AP3D1: variants seen among roughly 807,000 people sequenced by gnomAD.
The protein encoded by AP3D1 is adaptor related protein complex 3 subunit delta 1, also known as AP-3 complex subunit delta-1.
A neutral mutation model predicts 147.6 loss-of-function variants in AP3D1; 51 were observed. The observed-to-expected ratio is 0.35, with a 90% CI of 0.28 to 0.44. The LOEUF is 0.44. Among genes scored for constraint, AP3D1 ranks in the 20% least tolerant of loss-of-function variants. The probability of loss-of-function intolerance (pLI) is 1.00; values close to 1 mark genes in which losing one functional copy is unlikely to be tolerated. For synonymous variants in AP3D1, 760 were observed against 663.0 expected, an observed-to-expected ratio of 1.15 and a Z score of -2.25; for missense variants, 1,421 against 1,624.2, an observed-to-expected ratio of 0.87 and a Z score of 2.15.
chr19:2,150,120 A>G (rs1272811662), intron 1 of AP3D1, among the ~76,000 whole-genome samples: 1 of 152,216 alleles, frequency 6.6e-6, no homozygotes, highest in Non-Finnish European at 1.5e-5. Flanking sequence ...GGGTTCCCAG[A>G]GAGAGGGACA....
At chr19:2,110,283 G>T (rs1049000124) in intron 27 of AP3D1, 59 bp from the exon 28 acceptor site, 4 of 1,456,448 alleles carry the variant, frequency 2.7e-6, no homozygotes, top group Non-Finnish European at 3.8e-6. Context: ...CATGGGTGGG[G>T]CCTCCAGGTC....
rs1001108945 is a variant in AP3D1, at chr19:2,135,410, C to T, written c.354+1601G>A. Among the ~76,000 whole-genome samples, 6 of 151,866 alleles carry T rather than the reference C, an allele frequency of 4.0e-5. 1 individual carries two copies. Among genetic ancestry groups the T allele is most frequent in the Admixed American group, 6.6e-5 (1 of 15,232 alleles). ...AATTAGCCAGGCATGGTGGCGGGCACCTGTAATTCCAGCTACTCGGGAGGC... is the reference window on the plus strand; with the variant it reads ...AATTAGCCAGGCATGGTGGCGGGCATCTGTAATTCCAGCTACTCGGGAGGC... On this transcript the variant is annotated intron_variant, in intron 4 of 31. Coordinates refer to ENST00000643116, the MANE Select transcript of AP3D1 (RefSeq NM_001261826.3).
Position 2,109,179 on chromosome 19 carries a change from C to G in AP3D1, c.3379G>C (p.Gly1127Arg). ...TTGATTGAGCTCATGCTCAAGTCCC[C>G]AGACTCCAGCAACTTAGCAAAGGCG... Reference protein sequence around the residue: ...SDAFAKLLESGDLSMSSIKVD... With the variant: ...SDAFAKLLESRDLSMSSIKVD... Residue 1127 changes from glycine to arginine, a missense_variant, in exon 30 of 32, where the codon GGG (glycine) becomes CGG (arginine). By Grantham distance (125) the Gly-to-Arg change is moderately radical. Coordinates refer to ENST00000643116, the MANE Select transcript of AP3D1 (RefSeq NM_001261826.3). The G allele has an allele frequency of 6.2e-7, 1 of 1,606,472 alleles. No homozygotes were observed. Among genetic ancestry groups the G allele is most frequent in the Non-Finnish European group, 8.5e-7 (1 of 1,177,186 alleles).
intron 26 of AP3D1, 149 bp from the exon 27 acceptor site, chr19:2,111,045 C>G: frequency 1.0e-6 from 1 of 967,724 alleles, no homozygotes; most frequent in Non-Finnish European, 1.5e-6. Flanking sequence ...GCAGGCCAAG[C>G]GCCTCCTATG....
At chr19:2,143,491 T>C (rs1476370076) in intron 1 of AP3D1, among the ~76,000 whole-genome samples, 1 of 151,470 alleles carries the variant, frequency 6.6e-6, no homozygotes, top group South Asian at 2.1e-4. Context: ...CCGCCCACCT[T>C]GGCCTCTCAA....
intron 1 of AP3D1, among the ~76,000 whole-genome samples, chr19:2,150,630 G>GC (rs1443801859): frequency 6.6e-6 from 1 of 152,110 alleles, no homozygotes; most frequent in Non-Finnish European, 1.5e-5. Context: ...TGGAGGCAAC[G>GC]CCCCAAGACC....
At chr19:2,142,818 A>C (rs1382268045) in intron 1 of AP3D1, among the ~76,000 whole-genome samples, 2 of 151,428 alleles carry the variant, frequency 1.3e-5, no homozygotes, top group African/African-American at 4.9e-5. Flanking sequence ...GCTGGAGTAC[A>C]ATGGTGTGAT....
Position 2,117,516 on chromosome 19 carries a change from G to A in AP3D1, c.1714-149C>T, listed in dbSNP as rs74875061. ...CCACAGAGAGCCCAGCCTTCATGCC[G>A]TCTCTGTCGTCATCATCCTCGCCAG... is the stretch of plus-strand genomic sequence containing the variant. On this transcript the variant is annotated intron_variant, in intron 15 of 31. Coordinates refer to ENST00000643116, the MANE Select transcript of AP3D1 (RefSeq NM_001261826.3). 2,253 of 846,260 alleles carry A rather than the reference G, an allele frequency of 2.7e-3. 5 individuals are homozygous for A. The highest frequency in any genetic ancestry group is 3.3e-3 in the Admixed American group (98 of 29,694). The allele number at this position is 846,260 out of a possible 1,614,324, so 52.4% of individuals were successfully genotyped here.
chr19:2,117,644 C>A (rs914910431), intron 15 of AP3D1, among the ~76,000 whole-genome samples: 1 of 152,272 alleles, frequency 6.6e-6, no homozygotes, highest in Non-Finnish European at 1.5e-5. Flanking sequence ...AGTGCCCCGA[C>A]ACCAGAAGCA....
chr19:2,108,607 C>T (rs975203277), intron 31 of AP3D1, 80 bp downstream of exon 31: 79 of 1,344,902 alleles, frequency 5.9e-5, no homozygotes, highest in Middle Eastern at 1.8e-4. Context: ...TCCCAAAGCG[C>T]GCCTCTGGGG....
chr19:2,117,049 A>C (rs2018475888), intron 16 of AP3D1, 173 bp downstream of exon 16: 1 of 898,750 alleles, frequency 1.1e-6, no homozygotes, highest in Admixed American at 3.2e-5. Flanking sequence ...GCCAGATCCC[A>C]GAACCAGTGA....
intron 6 of AP3D1, among the ~76,000 whole-genome samples, chr19:2,129,994 G>A (rs2018891176): frequency 6.6e-6 from 1 of 152,208 alleles, no homozygotes; most frequent in Non-Finnish European, 1.5e-5. Flanking sequence ...GAAACTCAGT[G>A]AAACTGAATC....
intron 3 of AP3D1, 39 bp from the exon 4 acceptor site, chr19:2,137,130 C>CCGCA: frequency 6.6e-7 from 1 of 1,523,576 alleles, no homozygotes; most frequent in Non-Finnish European, 8.9e-7. Flanking sequence ...GGCAGGACAC[C>CCGCA]CGCAGCCTCC....
chr19:2,110,271 A>C, intron 27 of AP3D1, 47 bp from the exon 28 acceptor site: 2 of 1,537,702 alleles, frequency 1.3e-6, no homozygotes, highest in Non-Finnish European at 1.8e-6. Flanking sequence ...GCGGGGGCTC[A>C]GCATGGGTGG....
intron 14 of AP3D1, among the ~76,000 whole-genome samples, 178 bp from the exon 15 acceptor site, chr19:2,119,010 G>T (rs2018537135): frequency 6.6e-6 from 1 of 152,196 alleles, no homozygotes; most frequent in Non-Finnish European, 1.5e-5. Flanking sequence ...GCCGTCAACA[G>T]CCCGTAACAC....
rs775648858 is a variant in AP3D1, at chr19:2,111,848, G to C, written c.2788-20C>G. On this transcript the variant is annotated intron_variant, in intron 24 of 31. Coordinates refer to ENST00000643116, the MANE Select transcript of AP3D1 (RefSeq NM_001261826.3). The stretch of plus-strand genomic sequence containing the variant: ...AGATTTCTGGAGCAAGAGGAGGGTC[G>C]GGTTCAGTGCCCAGGCTGCTCCAGC... 3 of 1,612,776 alleles carry C rather than the reference G, an allele frequency of 1.9e-6. No homozygotes were observed. Among genetic ancestry groups the C allele is most frequent in the Non-Finnish European group, 1.7e-6 (2 of 1,179,928 alleles).
intron 1 of AP3D1, among the ~76,000 whole-genome samples, chr19:2,140,306 C>T (rs2019185791): frequency 6.6e-6 from 1 of 152,146 alleles, no homozygotes. Context: ...CCAGCAATTC[C>T]ACTTCTGGGC....
intron 1 of AP3D1, among the ~76,000 whole-genome samples, chr19:2,160,982 TCCAAGAGCCC>T (rs2019692188): frequency 6.6e-6 from 1 of 151,900 alleles, no homozygotes; most frequent in South Asian, 2.1e-4. Flanking sequence ...GGTAAGGGAT[TCCAAGAGCCC>T]CCAAGAGACT....
At chr19:2,103,523 T>A (rs1314253111) in intron 31 of AP3D1, among the ~76,000 whole-genome samples, 2 of 152,194 alleles carry the variant, frequency 1.3e-5, no homozygotes, top group African/African-American at 4.8e-5. Context: ...CCCGTGAAGC[T>A]GCTCACGATC....
Sources: allele counts gnomAD v4.1 joint callset (sites outside exome capture counted in the v4.1 genomes callset), GRCh38; gene constraint gnomAD v4.1.1; transcripts MANE v1.5; gene names NCBI Gene and HGNC (gene_info 2026-07-23, HGNC 2026-07-21).